The following ABL1 variants were observed in gnomAD, a reference collection of about 807,000 sequenced individuals.
ABL1 encodes the protein tyrosine-protein kinase ABL1.
Under a neutral mutation model 94.7 loss-of-function variants are expected in ABL1, and 11 were observed. That is an observed-to-expected ratio of 0.12 (90% CI 0.07 to 0.19). ABL1 has a LOEUF of 0.19. Among genes scored for constraint, ABL1 ranks in the 10% least tolerant of loss-of-function variants. The pLI is 1.00. For missense variants in ABL1, 1,082 were observed against 1,489.4 expected, an observed-to-expected ratio of 0.73 and a Z score of 4.50; for synonymous variants, 656 against 622.4, an observed-to-expected ratio of 1.05 and a Z score of -0.80.
At chr9:130,796,748 T>G (rs1829978306) in intron 1 of ABL1, among the ~76,000 whole-genome samples, 1 of 150,166 alleles carries the variant, frequency 6.7e-6, no homozygotes, top group African/African-American at 2.5e-5. Flanking sequence ...AAAAACAATG[T>G]CTTTCTCTGC....
chr9:130,717,111 C>T (rs1473937955), intron 1 of ABL1, among the ~76,000 whole-genome samples: 6 of 152,004 alleles, frequency 3.9e-5, no homozygotes, highest in Non-Finnish European at 7.4e-5. Context: ...GGCATGATCT[C>T]GGCTCACTAC....
At chr9:130,875,832 TCTC>T (rs1001480641) in intron 7 of ABL1, among the ~76,000 whole-genome samples, 5 of 152,016 alleles carry the variant, frequency 3.3e-5, no homozygotes, top group African/African-American at 9.7e-5. Context: ...CCTCCTCTCT[TCTC>T]CTTCTCCTTC....
chr9:130,755,345 G>C (rs963467485), intron 1 of ABL1, among the ~76,000 whole-genome samples: 1 of 152,140 alleles, frequency 6.6e-6, no homozygotes, highest in Non-Finnish European at 1.5e-5. Flanking sequence ...CTGGCGACTA[G>C]AAATGGGGGT....
intron 1 of ABL1, among the ~76,000 whole-genome samples, chr9:130,849,498 C>T (rs1021176572): frequency 2.6e-5 from 4 of 152,018 alleles, no homozygotes; most frequent in South Asian, 2.1e-4. Flanking sequence ...AGCGTTCACA[C>T]ACTTTCCATG....
chr9:130,791,692 C>T (rs138289967), intron 1 of ABL1, among the ~76,000 whole-genome samples: 1 of 152,288 alleles, frequency 6.6e-6, no homozygotes, highest in East Asian at 1.9e-4. Flanking sequence ...GACTCTTGGA[C>T]TTGTACCAGT....
chr9:130,714,899 T>C (rs906258160), intron 1 of ABL1, among the ~76,000 whole-genome samples: 1 of 152,212 alleles, frequency 6.6e-6, no homozygotes, highest in Admixed American at 6.5e-5. Context: ...CTGAGAAAGT[T>C]AAGAATCATA....
chr9:130,750,410 TCCCTCCCTCCCTC>T (rs1831946109), intron 1 of ABL1, among the ~76,000 whole-genome samples: 3 of 14,532 alleles, frequency 2.1e-4, no homozygotes, highest in African/African-American at 2.3e-4. Context: ...CCTCCCTCCC[TCCCTCCCTCCCTC>T]CCTCCCTCCC....
intron 1 of ABL1, among the ~76,000 whole-genome samples, chr9:130,753,693 T>C (rs372323095): frequency 9.2e-4 from 140 of 151,796 alleles, no homozygotes; most frequent in African/African-American, 3.1e-3. Flanking sequence ...CCCAGAGTGC[T>C]GGGATTACAG....
intron 1 of ABL1, among the ~76,000 whole-genome samples, chr9:130,800,507 A>G (rs1397726475): frequency 1.3e-5 from 2 of 152,016 alleles, no homozygotes; most frequent in African/African-American, 2.4e-5. Context: ...TCTCAACATT[A>G]AAAGTTTTCC....
chr9:130,868,982 A>C (rs913040707), intron 4 of ABL1, among the ~76,000 whole-genome samples: 6 of 150,566 alleles, frequency 4.0e-5, no homozygotes, highest in Non-Finnish European at 8.9e-5. Context: ...CCTGGTTGAC[A>C]TGGTGAAACC....
chr9:130,795,153 G>A (rs1829958687), intron 1 of ABL1, among the ~76,000 whole-genome samples: 1 of 152,130 alleles, frequency 6.6e-6, no homozygotes, highest in Non-Finnish European at 1.5e-5. Flanking sequence ...TGGGCCTTTT[G>A]TCCATTGGTG....
At chr9:130,735,957 A>ATTTTT (rs1238756333) in intron 1 of ABL1, among the ~76,000 whole-genome samples, 9 of 43,830 alleles carry the variant, frequency 2.1e-4, no homozygotes, top group African/African-American at 1.1e-3. Context: ...ATATATATAT[A>ATTTTT]TATATTTTTT....
At chr9:130,785,620 C>T (rs1243688660) in intron 1 of ABL1, among the ~76,000 whole-genome samples, 2 of 151,994 alleles carry the variant, frequency 1.3e-5, no homozygotes, top group African/African-American at 4.8e-5. Context: ...TTTTACTCTT[C>T]TGTCATTTGT....
At chr9:130,748,221 TG>T (rs1297503190) in intron 1 of ABL1, among the ~76,000 whole-genome samples, 4 of 152,200 alleles carry the variant, frequency 2.6e-5, no homozygotes, top group Non-Finnish European at 4.4e-5. Flanking sequence ...AAGAAAAGTG[TG>T]AACTGAATCA....
chr9:130,827,758 G>C (rs1830442963), intron 1 of ABL1, among the ~76,000 whole-genome samples: 1 of 151,950 alleles, frequency 6.6e-6, no homozygotes, highest in African/African-American at 2.4e-5. Flanking sequence ...AACTGAACAT[G>C]GTGGCAGGCA....
chr9:130,766,166 T>C (rs1367280634), intron 1 of ABL1, among the ~76,000 whole-genome samples: 1 of 152,190 alleles, frequency 6.6e-6, no homozygotes, highest in African/African-American at 2.4e-5. Flanking sequence ...CTCTCAAGAA[T>C]GCGGCCATGG....
chr9:130,728,752 C>A (rs976264858), intron 1 of ABL1, among the ~76,000 whole-genome samples: 2 of 151,726 alleles, frequency 1.3e-5, no homozygotes, highest in African/African-American at 4.8e-5. Context: ...ATTCATTAGA[C>A]CTGTCTTTTC....
At chr9:130,762,359 A>G (rs934301806) in intron 1 of ABL1, among the ~76,000 whole-genome samples, 1 of 152,196 alleles carries the variant, frequency 6.6e-6, no homozygotes, top group Non-Finnish European at 1.5e-5. Flanking sequence ...GCCATTGAAT[A>G]TAAAACATGG....
chr9:130,842,240 T>C (rs1830686353), intron 1 of ABL1, among the ~76,000 whole-genome samples: 1 of 152,200 alleles, frequency 6.6e-6, no homozygotes, highest in African/African-American at 2.4e-5. Context: ...TCTCTCTGTT[T>C]CCATTTCCTG....
Sources: allele counts gnomAD v4.1 joint callset (sites outside exome capture counted in the v4.1 genomes callset), GRCh38; gene constraint gnomAD v4.1.1; transcripts MANE v1.5; gene names NCBI Gene and HGNC (gene_info 2026-07-23, HGNC 2026-07-21).